Variants in NFAM1 observed in about 807,000 individuals in gnomAD.
NFAM1 encodes NFAT activation molecule 1.
NFAM1 carries 17 observed loss-of-function variants against 29.0 expected under a neutral mutation model. The ratio of observed to expected loss-of-function variants is 0.59; its 90% confidence interval spans 0.40 to 0.88. NFAM1 has a LOEUF of 0.88. Ranked by LOEUF, NFAM1 falls within the 40% of genes least tolerant of loss-of-function variation. NFAM1 has a pLI of 0.00. For missense variants in NFAM1, 324 were observed against 344.6 expected, an observed-to-expected ratio of 0.94 and a Z score of 0.47; for synonymous variants, 175 against 147.2, an observed-to-expected ratio of 1.19 and a Z score of -1.36.
intron 4 of NFAM1, 87 bp downstream of exon 4, chr22:42,397,771 A>G: frequency 2.5e-6 from 2 of 800,634 alleles, no homozygotes; most frequent in Non-Finnish European, 4.5e-6. Context: ...CAGCTGGTAC[A>G]AGACTGAGCC....
chr22:42,407,026 C>T (rs1400476286), intron 3 of NFAM1, among the ~76,000 whole-genome samples: 4 of 151,548 alleles, frequency 2.6e-5, no homozygotes, highest in Non-Finnish European at 4.4e-5. Context: ...CTGCCTGCCT[C>T]GGCCTCCCAA....
chr22:42,437,147 T>C (rs13055577), upstream of NFAM1: 1 of 235,152 alleles, frequency 4.3e-6, no homozygotes, highest in Non-Finnish European at 6.3e-6. Flanking sequence ...TTGTCTTTTT[T>C]TTTTTTTTTT....
chr22:42,412,572 C>T (rs1930131543), intron 1 of NFAM1, among the ~76,000 whole-genome samples: 1 of 152,278 alleles, frequency 6.6e-6, no homozygotes, highest in African/African-American at 2.4e-5. Context: ...AAAGCACAGG[C>T]CTGAGAAGAG....
rs200124807 is a variant in NFAM1 at position 42,385,203 on chromosome 22, G to A, written c.771C>T (p.Phe257=). The A allele has an allele frequency of 1.1e-5, 17 of 1,610,468 alleles. No homozygotes were observed. In the Admixed American group the frequency reaches 1.5e-4, roughly 14 times the overall value. ...SPLSQERPHR[F]EDDGELNLVY... ...CCAGGTTAAGTTCGCCATCATCTTC[G>A]AATCTATGCGGTCTCTCCTGGATAG... The change falls in exon 6 of 6, where the codon TTC becomes TTT. Residue 257 remains phenylalanine, a synonymous_variant. Transcript: ENST00000329021.
In NFAM1 at chr22:42,386,612, T is replaced by C. The variant is rs116811176; in HGVS notation, c.753+377A>G. Among the ~76,000 whole-genome samples, 1,124 of 152,242 alleles carry C rather than the reference T, an allele frequency of 7.4e-3. 14 individuals are homozygous for C. The highest frequency in any genetic ancestry group is 0.025 in the African/African-American group (1,044 of 41,530). On this transcript the variant is annotated intron_variant, in intron 5 of 5. Transcript: ENST00000329021. ...TAACACCCCTGTCTGACTGACCATG[T>C]GGACACTGTGCCCAGTGATAGTTAC... is the stretch of plus-strand genomic sequence containing the variant.
chr22:42,428,904 A>G (rs1930710561), intron 1 of NFAM1, among the ~76,000 whole-genome samples: 1 of 152,204 alleles, frequency 6.6e-6, no homozygotes, highest in Non-Finnish European at 1.5e-5. Flanking sequence ...GGGAGGACTG[A>G]GGCCCATGGA....
intron 1 of NFAM1, among the ~76,000 whole-genome samples, chr22:42,429,742 C>A (rs541582995): frequency 3.9e-5 from 6 of 152,314 alleles, no homozygotes; most frequent in Non-Finnish European, 5.9e-5. Flanking sequence ...TCAGTGACAC[C>A]CCTGTGGACA....
chr22:42,417,133 G>A (rs1020469659), intron 1 of NFAM1, among the ~76,000 whole-genome samples: 1 of 152,206 alleles, frequency 6.6e-6, no homozygotes, highest in East Asian at 1.9e-4. Flanking sequence ...AGGGGTCTGG[G>A]TGGGAAAGAG....
At chr22:42,394,422 G>A (rs1053240587) in intron 4 of NFAM1, among the ~76,000 whole-genome samples, 2 of 152,076 alleles carry the variant, frequency 1.3e-5, no homozygotes, top group East Asian at 3.8e-4. Flanking sequence ...TCAGACTCCT[G>A]GGCTCAAGCA....
At chr22:42,413,066 C>G (rs988320779) in intron 1 of NFAM1, among the ~76,000 whole-genome samples, 1 of 152,220 alleles carries the variant, frequency 6.6e-6, no homozygotes, top group African/African-American at 2.4e-5. Flanking sequence ...ACTTCAGCTG[C>G]ACAGGCCCCT....
intron 4 of NFAM1, among the ~76,000 whole-genome samples, chr22:42,394,343 T>A (rs1929448213): frequency 6.6e-6 from 1 of 152,114 alleles, no homozygotes; most frequent in Admixed American, 6.5e-5. Flanking sequence ...CAGCCCTCCA[T>A]GTCCTTATTG....
At chr22:42,415,593 C>T (rs1217954052) in intron 1 of NFAM1, among the ~76,000 whole-genome samples, 1 of 152,154 alleles carries the variant, frequency 6.6e-6, no homozygotes, top group African/African-American at 2.4e-5. Flanking sequence ...GCCACCGCGC[C>T]CGGCCTGCAC....
At chr22:42,415,489 C>T (rs1404190075) in intron 1 of NFAM1, among the ~76,000 whole-genome samples, 11 of 151,908 alleles carry the variant, frequency 7.2e-5, no homozygotes, top group Non-Finnish European at 1.3e-4. Context: ...TTAGTAGAGA[C>T]GGGGTTTCAC....
chr22:42,393,329 G>A (rs2147093873), intron 4 of NFAM1, among the ~76,000 whole-genome samples: 1 of 152,210 alleles, frequency 6.6e-6, no homozygotes, highest in South Asian at 2.1e-4. Context: ...GGTAGAAAGA[G>A]CACTTGAACC....
intron 4 of NFAM1, among the ~76,000 whole-genome samples, chr22:42,397,596 G>A (rs1173227550): frequency 1.3e-5 from 2 of 152,170 alleles, no homozygotes; most frequent in Non-Finnish European, 2.9e-5. Flanking sequence ...CCAGAATGAG[G>A]ATCCATGCCA....
At chr22:42,427,468 T>C (rs557658037) in intron 1 of NFAM1, among the ~76,000 whole-genome samples, 1 of 152,336 alleles carries the variant, frequency 6.6e-6, no homozygotes, top group African/African-American at 2.4e-5. Flanking sequence ...CACCATTTCC[T>C]GAGCATCTGC....
At chr22:42,435,189 T>A (rs1309294231), upstream of NFAM1, among the ~76,000 whole-genome samples, 1 of 152,136 alleles carries the variant, frequency 6.6e-6, no homozygotes, top group Non-Finnish European at 1.5e-5. Flanking sequence ...GAGGTTAAAG[T>A]AATTTCTGAG....
At chr22:42,410,319 G>A (rs1930039388) in intron 2 of NFAM1, 3 of 292,722 alleles carry the variant, frequency 1.0e-5, no homozygotes, top group Admixed American at 9.0e-5. Context: ...CAGGGCTTTG[G>A]TGATGGGCTC....
rs1349004688 is a variant in NFAM1 at position 42,386,739 on chromosome 22, A to G, written c.753+250T>C. Among the ~76,000 whole-genome samples, 3 of 152,144 alleles carry G rather than the reference A, an allele frequency of 2.0e-5. No individual in the cohort carries two copies. In the East Asian group the frequency reaches 5.8e-4, roughly 29 times the overall value. On this transcript the variant is annotated intron_variant, in intron 5 of 5. Coordinates refer to ENST00000329021, the MANE Select transcript of NFAM1 (RefSeq NM_145912.8). ...GAGGTGGGTACTGTTAGGTTGCTCA[A>G]TCTGCACACAAGGAGATTCAGACAC...
Sources: gnomAD v4.1 joint callset for allele counts (sites outside exome capture counted in the v4.1 genomes callset) on GRCh38, gnomAD v4.1.1 for gene constraint, MANE v1.5 for transcripts, NCBI Gene and HGNC (gene_info 2026-07-23, HGNC 2026-07-21) for gene names.